Variants in CDH18 observed in about 807,000 individuals in gnomAD.
The protein encoded by CDH18 is cadherin-18.
A neutral mutation model predicts 67.9 loss-of-function variants in CDH18; 31 were observed. The ratio of observed to expected loss-of-function variants is 0.46; its 90% CI spans 0.34 to 0.62. The LOEUF is 0.62. Among genes scored for constraint, CDH18 ranks in the 20% least tolerant of loss-of-function variants. CDH18 has a pLI of 0.01. For missense variants in CDH18, 890 were observed against 975.5 expected (o/e 0.91, Z 1.17); for synonymous variants, 362 against 347.2 (o/e 1.04, Z -0.48).
At chr5:19,962,114 C>A (rs1796961525) in intron 2 of CDH18, among the ~76,000 whole-genome samples, 1 of 151,648 alleles carries the variant, frequency 6.6e-6, no homozygotes. Context: ...CCAATATTGT[C>A]ATAATTTAGT....
At chr5:20,269,829 T>C (rs1305465089) in intron 1 of CDH18, among the ~76,000 whole-genome samples, 3 of 152,122 alleles carry the variant, frequency 2.0e-5, no homozygotes, top group Non-Finnish European at 4.4e-5. Flanking sequence ...CTAGGGAATC[T>C]ATGAATGTAA....
At chr5:20,279,715 A>AC (rs1746087770) in intron 1 of CDH18, among the ~76,000 whole-genome samples, 2 of 147,918 alleles carry the variant, frequency 1.4e-5, no homozygotes, top group Non-Finnish European at 3.0e-5. Context: ...AAAAAAAAAA[A>AC]AAAAAAAAAA....
chr5:19,873,559 G>A (rs1029312738), intron 2 of CDH18, among the ~76,000 whole-genome samples: 3 of 152,082 alleles, frequency 2.0e-5, no homozygotes, highest in East Asian at 1.9e-4. Flanking sequence ...GATAAAAAAC[G>A]GAAGCTAAAG....
intron 2 of CDH18, among the ~76,000 whole-genome samples, chr5:20,045,912 G>A (rs1740854390): frequency 6.6e-6 from 1 of 151,974 alleles, no homozygotes; most frequent in Non-Finnish European, 1.5e-5. Flanking sequence ...TCCAGAAATG[G>A]AAAAATAAAC....
chr5:20,246,655 A>G (rs1047981987), intron 2 of CDH18, among the ~76,000 whole-genome samples: 7 of 152,298 alleles, frequency 4.6e-5, no homozygotes, highest in Admixed American at 6.5e-5. Context: ...CTCAACCATG[A>G]TGCATTTATG....
At chr5:19,903,070 T>A (rs183125904) in intron 2 of CDH18, among the ~76,000 whole-genome samples, 2 of 152,038 alleles carry the variant, frequency 1.3e-5, no homozygotes, top group African/African-American at 4.8e-5. Flanking sequence ...TACAACAGCT[T>A]TGCCCAACCA....
intron 2 of CDH18, among the ~76,000 whole-genome samples, chr5:20,083,675 G>C (rs968327971): frequency 1.3e-5 from 2 of 152,184 alleles, no homozygotes; most frequent in African/African-American, 4.8e-5. Context: ...AAAAGAAAGA[G>C]GGTTAATTGG....
chr5:20,162,114 C>T (rs887362585), intron 2 of CDH18, among the ~76,000 whole-genome samples: 1 of 152,004 alleles, frequency 6.6e-6, no homozygotes, highest in Non-Finnish European at 1.5e-5. Context: ...CACTCTGAGA[C>T]AGTCCCAGAA....
Position 20,232,432 on chromosome 5 carries a change from T to C in CDH18, c.-518+23012A>G, listed in dbSNP as rs867631250. 3.9e-5 allele frequency among the ~76,000 whole-genome samples: 6 copies of C among 152,268 alleles called. No individual in the cohort carries two copies. The South Asian group carries it at 1.2e-3, about 32-fold the overall frequency. Reference sequence around the variant, plus strand: ...GGAAAGAAACACATTAGTATCTAACTTTAAATTACAGTTATTAGGCTTTGT... The same window carrying C: ...GGAAAGAAACACATTAGTATCTAACCTTAAATTACAGTTATTAGGCTTTGT... On this transcript the variant is annotated intron_variant, in intron 2 of 14. Coordinates refer to the CDH18 transcript ENST00000507958.
At chr5:19,869,248 C>T (rs1384432249) in intron 2 of CDH18, among the ~76,000 whole-genome samples, 1 of 151,964 alleles carries the variant, frequency 6.6e-6, no homozygotes. Flanking sequence ...ATCATCATGC[C>T]TGTTTTCAAA....
intron 2 of CDH18, among the ~76,000 whole-genome samples, chr5:19,960,954 G>A (rs1054139098): frequency 3.4e-5 from 5 of 149,132 alleles, no homozygotes; most frequent in Non-Finnish European, 6.0e-5. Context: ...ATAATTATAT[G>A]TGCTATGTGC....
chr5:19,885,720 C>T (rs1788120885), intron 2 of CDH18, among the ~76,000 whole-genome samples: 1 of 152,116 alleles, frequency 6.6e-6, no homozygotes, highest in South Asian at 2.1e-4. Context: ...CACCATGACA[C>T]TCAGCTAATC....
chr5:19,483,360 G>A lies in CDH18; in HGVS notation c.1823C>T (p.Ser608Leu), dbSNP rs752455084. 8.7e-6 allele frequency: 14 copies of A among 1,613,920 alleles called. No homozygotes were observed. Among genetic ancestry groups the A allele is most frequent in the African/African-American group, 8.0e-5 (6 of 74,880 alleles). Residue 608 changes from serine (S) to leucine (L), a missense_variant, in exon 12 of 13, where the codon TCG becomes TTG. By Grantham distance (145) the Ser-to-Leu change is moderately radical (BLOSUM62 -2). Around this residue, in one of 2 missense-constraint regions of CDH18, gnomAD observed 656 missense variants for 668.1 expected, o/e 0.98. Transcript: ENST00000382275. The part of the protein sequence containing the change: ...RTCHAEAFLS[S>L]AGLSTGALIA... ...TAAGGCTCCTGTACTCAAACCAGCC[G>A]AGGACAGGAAGGCTTCTGCATGGCA... is the stretch of plus-strand genomic sequence containing the variant.
chr5:20,465,691 G>A (rs1321514696), intron 1 of CDH18, among the ~76,000 whole-genome samples: 4 of 151,924 alleles, frequency 2.6e-5, no homozygotes, highest in African/African-American at 9.7e-5. Flanking sequence ...TATGGATATT[G>A]TTGTGTTTAT....
At chr5:20,498,926 A>C (rs1307260013) in intron 1 of CDH18, among the ~76,000 whole-genome samples, 1 of 151,778 alleles carries the variant, frequency 6.6e-6, no homozygotes, top group African/African-American at 2.4e-5. Flanking sequence ...GAATATTTTT[A>C]AATATCTGGT....
At chr5:19,510,670 T>C (rs1334576602) in intron 10 of CDH18, among the ~76,000 whole-genome samples, 2 of 152,070 alleles carry the variant, frequency 1.3e-5, no homozygotes, top group East Asian at 3.9e-4. Flanking sequence ...CCCACTAAAA[T>C]CATATTGAAT....
chr5:20,215,404 C>G (rs985515084), intron 2 of CDH18, among the ~76,000 whole-genome samples: 2 of 150,964 alleles, frequency 1.3e-5, no homozygotes, highest in Non-Finnish European at 3.0e-5. Flanking sequence ...AGGAAAATTT[C>G]AAATAATTTG....
chr5:20,131,888 T>C (rs1440594719), intron 2 of CDH18, among the ~76,000 whole-genome samples: 1 of 152,050 alleles, frequency 6.6e-6, no homozygotes, highest in Non-Finnish European at 1.5e-5. Flanking sequence ...TTTTTTGTTG[T>C]TGTTGTTGTT....
At chr5:20,422,876 A>T (rs1241929860) in intron 1 of CDH18, among the ~76,000 whole-genome samples, 1 of 151,132 alleles carries the variant, frequency 6.6e-6, no homozygotes, top group Non-Finnish European at 1.5e-5. Flanking sequence ...AGCAGAAGTC[A>T]GAAGGTTGGT....
Sources: gnomAD v4.1 joint callset for allele counts (sites outside exome capture counted in the v4.1 genomes callset) on GRCh38, gnomAD v4.1.1 for gene constraint, gnomAD v4.1.1 regional missense constraint, MANE v1.5 for transcripts, NCBI Gene and HGNC (gene_info 2026-07-23, HGNC 2026-07-21) for gene names.